Variants in TKTL1 observed in about 807,000 individuals in gnomAD.
TKTL1 encodes the protein transketolase-like protein 1.
A neutral mutation model predicts 39.3 loss-of-function variants in TKTL1; 1 was observed. The ratio of observed to expected loss-of-function variants is 0.03; its 90% confidence interval spans 0.01 to 0.12. The LOEUF (loss-of-function observed/expected upper bound fraction) is 0.12, where lower values mean the gene tolerates loss of function less well. Ranked by LOEUF, TKTL1 falls within the 10% of genes least tolerant of loss-of-function variation. TKTL1 has a pLI of 1.00. For missense variants in TKTL1, 575 were observed against 509.6 expected, an observed-to-expected ratio of 1.13 and a Z score of -1.24; for synonymous variants, 262 against 193.8, an observed-to-expected ratio of 1.35 and a Z score of -2.92.
chrX:154,300,924 A>T (rs1357219049), intron 1 of TKTL1, among the ~76,000 whole-genome samples: 1 of 109,010 alleles, frequency 9.2e-6, no homozygotes. Context: ...TGAACTCCTA[A>T]CCTCAGGTGA....
At chrX:154,319,042 G>C (rs187039446) in intron 7 of TKTL1, among the ~76,000 whole-genome samples, 2 of 111,227 alleles carry the variant, frequency 1.8e-5, no homozygotes, top group Admixed American at 9.6e-5. Flanking sequence ...TGGTATGTTA[G>C]TGGATGAGTA....
At chrX:154,326,017 C>T (rs1238093773) in intron 10 of TKTL1, among the ~76,000 whole-genome samples, 1 of 111,779 alleles carries the variant, frequency 8.9e-6, no homozygotes, top group African/African-American at 3.3e-5. Context: ...TAATAGAAAT[C>T]ACTTGAAATG....
At chrX:154,296,030 C>G (rs374661787) in intron 1 of TKTL1, 37 bp downstream of exon 1, 170 of 1,199,561 alleles carry the variant, frequency 1.4e-4, no homozygotes, top group Middle Eastern at 2.3e-4. Context: ...TCATGCAGGG[C>G]CACGGGCCCG....
At chrX:154,303,177 TTTTATTTATTTA>T (rs201017132) in intron 1 of TKTL1, among the ~76,000 whole-genome samples, 979 of 88,792 alleles carry the variant, frequency 0.011, 15 homozygotes, top group Admixed American at 0.022. Flanking sequence ...TTTTTAAAAT[TTTTATTTATTTA>T]TTTATTTATT....
At position 154,320,919 on chromosome X, in the gene TKTL1, G is replaced by A; in HGVS notation, c.1186+6G>A. The stretch of plus-strand genomic sequence containing the variant: ...CCACTGTGGGGTATCTGTTGGTAAG[G>A]GTTCTAAATGCCATCATCTTGGTAG... On this transcript the variant is annotated splice_donor_region_variant and intron_variant, in intron 8 of 12. Transcript: ENST00000369915. 1.7e-6 allele frequency: 2 copies of A among 1,208,340 alleles called. No homozygotes were observed. Among genetic ancestry groups the A allele is most frequent in the Non-Finnish European group, 2.2e-6 (2 of 892,485 alleles).
intron 1 of TKTL1, among the ~76,000 whole-genome samples, chrX:154,301,540 C>T (rs10126322): frequency 0.26 from 28,899 of 111,065 alleles, 2,786 homozygotes; most frequent in South Asian, 0.58. Context: ...ATAAATCTTG[C>T]TCCAGAGCCT....
At chrX:154,299,312 C>T (rs1485807213) in intron 1 of TKTL1, among the ~76,000 whole-genome samples, 1 of 108,105 alleles carries the variant, frequency 9.3e-6, no homozygotes, top group African/African-American at 3.4e-5. Context: ...TGCACCTCCA[C>T]GCCCAGCTAA....
At chrX:154,319,037 T>C (rs2067428183) in intron 7 of TKTL1, among the ~76,000 whole-genome samples, 1 of 111,506 alleles carries the variant, frequency 9.0e-6, no homozygotes, top group Non-Finnish European at 1.9e-5. Context: ...TTAGCTGGTA[T>C]GTTAGTGGAT....
In TKTL1 at chrX:154,312,670, C is replaced by G. The variant is rs1469272423; in HGVS notation, c.761C>G (p.Thr254Ser). The G allele has an allele frequency of 2.5e-6, 3 of 1,209,752 alleles. No individual in the cohort carries two copies. The highest frequency in any genetic ancestry group is 3.0e-5 in the East Asian group (1 of 33,796). The change falls in exon 6 of 13, where the codon ACC becomes AGC. Residue 254 changes from threonine (T) to serine (S), a missense_variant. Physicochemically the swap from Thr to Ser is moderately conservative, Grantham distance 58 (BLOSUM62 1). Transcript: ENST00000369915. ...IIKLIESQIQ[T>S]SRNLDPQPPI... ...AAATTAATTGAGAGCCAGATACAGA[C>G]CAGCAGGAATCTTGACCCACAGCCC...
At chrX:154,309,310 C>T in intron 2 of TKTL1, 35 bp from the exon 3 acceptor site, 1 of 1,132,739 alleles carries the variant, frequency 8.8e-7, no homozygotes, top group Non-Finnish European at 1.2e-6. Context: ...TGTCCTGCAG[C>T]TGCGTCTGGG....
At chrX:154,323,914 G>C (rs1476260989) in intron 9 of TKTL1, among the ~76,000 whole-genome samples, 1 of 112,682 alleles carries the variant, frequency 8.9e-6, no homozygotes, top group Non-Finnish European at 1.9e-5. Context: ...CGGGAGACGA[G>C]GCAGTGTGGT....
rs782409378 is a variant in TKTL1, at chrX:154,319,714, G to A, written c.1030-1043G>A. On this transcript the variant is annotated intron_variant, in intron 7 of 12. Coordinates refer to ENST00000369915, the MANE Select transcript of TKTL1 (RefSeq NM_012253.4). ...AGATTGCACCAGTGCACCCCAGCCTGGGCAACAGAGCAAGACCCTGTCTAA... is the reference window on the plus strand; with the variant it reads ...AGATTGCACCAGTGCACCCCAGCCTAGGCAACAGAGCAAGACCCTGTCTAA... Among the ~76,000 whole-genome samples, 9 of 104,816 alleles carry A rather than the reference G, an allele frequency of 8.6e-5. No individual in the cohort carries two copies. The South Asian group carries it at 4.2e-3, about 49-fold the overall frequency. 91.0% of individuals were successfully genotyped at this position (104,816 alleles called of 115,157 possible).
intron 6 of TKTL1, 144 bp downstream of exon 6, chrX:154,312,917 C>T (rs2067369967): frequency 1.8e-6 from 1 of 570,657 alleles, no homozygotes; most frequent in Non-Finnish European, 2.7e-6. Flanking sequence ...ACTAACAGTT[C>T]GTAGGCAATA....
chrX:154,328,796 C>G lies in TKTL1; in HGVS notation c.1619-720C>G, dbSNP rs782724148. ...CTGATCTCTCGAAGGACTCCTGGGA[C>G]CCAGCACACAGTTGCTCTCACACCT... On this transcript the variant is annotated intron_variant, in intron 12 of 12. Transcript: ENST00000369915. 2.7e-5 allele frequency among the ~76,000 whole-genome samples: 3 copies of G among 110,423 alleles called. No homozygotes were observed. The South Asian group carries it at 1.2e-3, about 42-fold the overall frequency.
At chrX:154,309,263 G>A in intron 2 of TKTL1, 82 bp from the exon 3 acceptor site, 1 of 825,975 alleles carries the variant, frequency 1.2e-6, no homozygotes. Context: ...GCTGACAGGA[G>A]CAGCCTGCAC....
intron 6 of TKTL1, among the ~76,000 whole-genome samples, chrX:154,314,342 C>T (rs782430372): frequency 2.7e-5 from 3 of 111,228 alleles, no homozygotes; most frequent in African/African-American, 6.5e-5. Context: ...CTAAATAGAA[C>T]ATTAGCCCAT....
At chrX:154,307,793 T>TA (rs1219753899) in intron 2 of TKTL1, among the ~76,000 whole-genome samples, 17 of 112,264 alleles carry the variant, frequency 1.5e-4, no homozygotes, top group African/African-American at 5.5e-4. Context: ...CAGAGCTTGT[T>TA]ACGTGAGTGT....
rs1284939848 is a variant in TKTL1 at position 154,303,199 on chromosome X, T to G, written c.135-2105T>G. Reference sequence around the variant, plus strand: ...AATTTTTATTTATTTATTTATTTATTTATTTATTTATTTATTTATTTATTT... The same window carrying G: ...AATTTTTATTTATTTATTTATTTATGTATTTATTTATTTATTTATTTATTT... On this transcript the variant is annotated intron_variant, in intron 1 of 12. Transcript: ENST00000369915. 1.4e-4 allele frequency among the ~76,000 whole-genome samples: 14 copies of G among 98,854 alleles called. No homozygotes were observed. The Admixed American group carries it at 1.6e-3, about 11-fold the overall frequency. The allele number at this position is 98,854 out of a possible 115,157, so 85.8% of individuals were successfully genotyped here.
At chrX:154,301,111 G>A (rs2067270110) in intron 1 of TKTL1, among the ~76,000 whole-genome samples, 1 of 111,888 alleles carries the variant, frequency 8.9e-6, no homozygotes, top group Non-Finnish European at 1.9e-5. Flanking sequence ...TTGTGTAAGA[G>A]TGTGTTGCTT....
Sources: allele counts gnomAD v4.1 joint callset (sites outside exome capture counted in the v4.1 genomes callset), GRCh38; gene constraint gnomAD v4.1.1; transcripts MANE v1.5; gene names NCBI Gene and HGNC (gene_info 2026-07-23, HGNC 2026-07-21).